Variants in M1AP observed in about 807,000 individuals in gnomAD.
The protein encoded by M1AP is meiosis 1 associated protein, also known as meiosis 1 arrest protein.
A neutral mutation model predicts 51.2 loss-of-function variants in M1AP; 39 were observed. The observed-to-expected ratio is 0.76, with a 90% CI of 0.59 to 1.00. The LOEUF is 1.00. M1AP is among the 50% of genes least tolerant of loss of function. M1AP has a pLI of 0.00. For synonymous variants in M1AP, 251 were observed against 249.2 expected (o/e 1.01, Z -0.07); for missense variants, 545 against 641.2 (o/e 0.85, Z 1.62).
chr2:74,620,852 A>G (rs774483538), intron 2 of M1AP: 8 of 172,590 alleles, frequency 4.6e-5, no homozygotes, highest in Non-Finnish European at 6.6e-5. Context: ...GTTTCTAGGA[A>G]TTTCTGTTGC....
chr2:74,627,224 G>A (rs1026911652), intron 2 of M1AP, among the ~76,000 whole-genome samples: 1 of 151,916 alleles, frequency 6.6e-6, no homozygotes, highest in African/African-American at 2.4e-5. Flanking sequence ...TATAAATCTT[G>A]CATATTTATT....
In M1AP at chr2:74,640,264, C is replaced by G. The variant is rs769328081; in HGVS notation, c.12G>C (p.Gly4=). The change falls in exon 2 of 11, where the codon GGG becomes GGC. Residue 4 remains glycine (G), a synonymous_variant. Transcript: ENST00000421985. MHP[G]RTTGKGPSTH... Reference sequence around the variant, plus strand: ...TAGAGGGCCCTTTACCAGTAGTTCGCCCAGGATGCATGGCAGCAAAACCAG... The same window carrying G: ...TAGAGGGCCCTTTACCAGTAGTTCGGCCAGGATGCATGGCAGCAAAACCAG... 6.2e-7 allele frequency: 1 copy of G among 1,614,022 alleles called. No homozygotes were observed. Among genetic ancestry groups the G allele is most frequent in the South Asian group, 1.1e-5 (1 of 91,062 alleles).
At chr2:74,640,763 T>C (rs1055155696) in intron 1 of M1AP, among the ~76,000 whole-genome samples, 1 of 152,206 alleles carries the variant, frequency 6.6e-6, no homozygotes, top group African/African-American at 2.4e-5. Flanking sequence ...GCCCAGGCCA[T>C]CCTATTTTAA....
intron 10 of M1AP, among the ~76,000 whole-genome samples, chr2:74,559,324 A>AT (rs1002327830): frequency 3.3e-5 from 5 of 151,618 alleles, no homozygotes; most frequent in African/African-American, 7.3e-5. Context: ...CTCCTGGCTA[A>AT]TTTTTTTTGT....
At chr2:74,565,896 A>G (rs1340206520) in intron 7 of M1AP, among the ~76,000 whole-genome samples, 3 of 151,876 alleles carry the variant, frequency 2.0e-5, no homozygotes, top group Admixed American at 6.6e-5. Context: ...ACACCCTTAC[A>G]TAATAAAAAT....
intron 4 of M1AP, among the ~76,000 whole-genome samples, chr2:74,597,384 CT>C (rs1680405372): frequency 6.6e-6 from 1 of 152,130 alleles, no homozygotes; most frequent in Admixed American, 6.5e-5. Flanking sequence ...CAATGAACAG[CT>C]GTGTTTTCTG....
At chr2:74,628,430 G>A (rs1424247261) in intron 2 of M1AP, 5 of 389,634 alleles carry the variant, frequency 1.3e-5, no homozygotes, top group South Asian at 4.9e-5. Flanking sequence ...TACACCTGAT[G>A]TAACCATATA....
chr2:74,597,093 A>G (rs1052390296), intron 4 of M1AP, among the ~76,000 whole-genome samples: 2 of 152,244 alleles, frequency 1.3e-5, no homozygotes, highest in Non-Finnish European at 2.9e-5. Context: ...AATGGATGCA[A>G]CTTATGGTAT....
intron 1 of M1AP, 173 bp downstream of exon 1, chr2:74,648,092 A>G (rs1341774214): frequency 5.1e-6 from 5 of 985,200 alleles, no homozygotes; most frequent in Non-Finnish European, 6.0e-6. Context: ...TGACTCCGAC[A>G]GCGATTTCGG....
chr2:74,606,496 C>T (rs1681008388), intron 4 of M1AP, among the ~76,000 whole-genome samples: 1 of 151,996 alleles, frequency 6.6e-6, no homozygotes, highest in Non-Finnish European at 1.5e-5. Flanking sequence ...CACAGCTGTC[C>T]AACACACATG....
At position 74,573,496 on chromosome 2, in the gene M1AP, G is replaced by A. The variant is rs146814256; in HGVS notation, c.1074+1942C>T. 2.6e-5 allele frequency among the ~76,000 whole-genome samples: 4 copies of A among 152,122 alleles called. No individual in the cohort carries two copies. In the East Asian group the frequency reaches 7.7e-4, roughly 29 times the overall value. On this transcript the variant is annotated intron_variant, in intron 7 of 10. Coordinates refer to ENST00000421985, the MANE Select transcript of M1AP (RefSeq NM_001321739.2). ...GCCTCCTGAGTAGCTGGGATTAGAG[G>A]TGCGTGCCACTATGCCTGGCTAATT...
chr2:74,642,735 C>T (rs1683364264), intron 1 of M1AP, among the ~76,000 whole-genome samples: 1 of 152,094 alleles, frequency 6.6e-6, no homozygotes, highest in Non-Finnish European at 1.5e-5. Context: ...AAAAGATCTC[C>T]TTGTCTTTTG....
chr2:74,628,701 T>G (rs1003442116), intron 2 of M1AP: 9 of 670,020 alleles, frequency 1.3e-5, no homozygotes, highest in Non-Finnish European at 2.4e-5. Context: ...ACCTGTGATA[T>G]TCTTTGCTGC....
At chr2:74,607,594 C>T (rs1681092797) in intron 3 of M1AP, among the ~76,000 whole-genome samples, 1 of 152,198 alleles carries the variant, frequency 6.6e-6, no homozygotes. Flanking sequence ...CTGCCTCAGC[C>T]TCCTGGATAG....
chr2:74,611,506 G>A (rs1393396844), intron 3 of M1AP, among the ~76,000 whole-genome samples: 1 of 151,980 alleles, frequency 6.6e-6, no homozygotes, highest in Admixed American at 6.5e-5. Flanking sequence ...TGTATTTTGT[G>A]GTATCAGTTG....
intron 2 of M1AP, among the ~76,000 whole-genome samples, chr2:74,626,410 T>C (rs1419507125): frequency 6.6e-6 from 1 of 151,746 alleles, no homozygotes; most frequent in African/African-American, 2.4e-5. Flanking sequence ...GGCCACCATG[T>C]CTGGCTAATT....
intron 1 of M1AP, among the ~76,000 whole-genome samples, chr2:74,640,735 C>T (rs2104844338): frequency 6.6e-6 from 1 of 151,932 alleles, no homozygotes; most frequent in Non-Finnish European, 1.5e-5. Context: ...GAATTACAGG[C>T]GTGAGCCACC....
chr2:74,581,438 G>T (rs1679399952), intron 5 of M1AP, among the ~76,000 whole-genome samples: 1 of 152,176 alleles, frequency 6.6e-6, no homozygotes, highest in Non-Finnish European at 1.5e-5. Context: ...CTCAGACTTT[G>T]CCCCTAAACT....
chr2:74,617,353 CTTGT>C (rs993330548), intron 2 of M1AP, among the ~76,000 whole-genome samples: 2 of 152,208 alleles, frequency 1.3e-5, no homozygotes, highest in Admixed American at 6.5e-5. Flanking sequence ...TCGGACTAAG[CTTGT>C]TTGTGTCTAC....
Sources: allele counts gnomAD v4.1 joint callset (sites outside exome capture counted in the v4.1 genomes callset), GRCh38; gene constraint gnomAD v4.1.1; transcripts MANE v1.5; gene names NCBI Gene and HGNC (gene_info 2026-07-23, HGNC 2026-07-21).